Variants in XKR9 observed in about 807,000 individuals in gnomAD.
The protein encoded by XKR9 is XK-related protein 9.
A neutral mutation model predicts 32.0 loss-of-function variants in XKR9; 32 were observed. That is an observed-to-expected ratio of 1.00 (90% CI 0.76 to 1.34). The LOEUF is 1.34. Among genes scored for constraint, XKR9 ranks in the 40% most tolerant of loss-of-function variants. XKR9 has a pLI of 0.00. For synonymous variants in XKR9, 168 were observed against 143.4 expected (o/e 1.17, Z -1.22); for missense variants, 546 against 429.7 (o/e 1.27, Z -2.39).
In XKR9 at chr8:70,714,771, A is replaced by T. The variant is rs529019567; in HGVS notation, c.493+7618A>T. 2.6e-4 allele frequency among the ~76,000 whole-genome samples: 39 copies of T among 152,214 alleles called. No individual in the cohort carries two copies. The East Asian group carries it at 6.2e-3, about 24-fold the overall frequency. On this transcript the variant is annotated intron_variant, in intron 4 of 4. Coordinates refer to ENST00000408926, the MANE Select transcript of XKR9 (RefSeq NM_001011720.2). ...TTGATGTCTTATTTAGTGAACATGG[A>T]TGGGAGTTCTCTATTTTCTTCACTG...
chr8:70,764,074 C>G (rs1196448533), intron 2 of XKR9, among the ~76,000 whole-genome samples: 1 of 152,188 alleles, frequency 6.6e-6, no homozygotes, highest in African/African-American at 2.4e-5. Context: ...TTGATGAGCT[C>G]TCCTTGCTTC....
At chr8:71,009,082 G>A in the XKR9 span, among the ~76,000 whole-genome samples, 1 of 152,096 alleles carries the variant, frequency 6.6e-6, no homozygotes, top group African/African-American at 2.4e-5. Context: ...GGGAGAGAAG[G>A]TGGTAAGTGG....
chr8:70,973,060 T>A, the XKR9 span, among the ~76,000 whole-genome samples: 4 of 152,156 alleles, frequency 2.6e-5, no homozygotes, highest in African/African-American at 9.7e-5. Context: ...TTTGACTGTC[T>A]GTTAGAATTC....
At chr8:70,863,383 G>C in the XKR9 span, among the ~76,000 whole-genome samples, 10 of 152,170 alleles carry the variant, frequency 6.6e-5, no homozygotes, top group Non-Finnish European at 1.5e-4. Context: ...GATGTAGTAG[G>C]ACACTAATTT....
the XKR9 span, among the ~76,000 whole-genome samples, chr8:70,824,364 G>A: frequency 6.6e-6 from 1 of 152,028 alleles, no homozygotes; most frequent in African/African-American, 2.4e-5. Context: ...GCCTATGTTT[G>A]CTATTTCCCT....
At chr8:70,712,153 T>C (rs548612765) in intron 4 of XKR9, among the ~76,000 whole-genome samples, 1 of 152,110 alleles carries the variant, frequency 6.6e-6, no homozygotes, top group Non-Finnish European at 1.5e-5. Flanking sequence ...CAGAGTAGAA[T>C]AGCAGATTAG....
At chr8:71,052,931 ACACAGC>A in the XKR9 span, among the ~76,000 whole-genome samples, 1 of 152,212 alleles carries the variant, frequency 6.6e-6, no homozygotes, top group Non-Finnish European at 1.5e-5. Flanking sequence ...TCTCAGCTTC[ACACAGC>A]CAGCCTTGAC....
chr8:70,841,658 CA>C, the XKR9 span, among the ~76,000 whole-genome samples: 1 of 152,174 alleles, frequency 6.6e-6, no homozygotes, highest in Admixed American at 6.5e-5. Context: ...TTTAGGGTCA[CA>C]GATCAGTCAC....
intron 3 of XKR9, among the ~76,000 whole-genome samples, chr8:70,684,414 T>G (rs1315035561): frequency 6.6e-6 from 1 of 152,168 alleles, no homozygotes; most frequent in African/African-American, 2.4e-5. Flanking sequence ...CTCTCATTCC[T>G]TGTATCATTG....
chr8:70,971,325 C>T, the XKR9 span, among the ~76,000 whole-genome samples: 2 of 151,140 alleles, frequency 1.3e-5, no homozygotes, highest in Non-Finnish European at 3.0e-5. Flanking sequence ...TTTTTTCTTG[C>T]TGGTTTTTTT....
chr8:71,047,624 A>G, the XKR9 span, among the ~76,000 whole-genome samples: 1 of 152,156 alleles, frequency 6.6e-6, no homozygotes, highest in Non-Finnish European at 1.5e-5. Context: ...TGTTCTGTAC[A>G]TACTGAATTT....
the XKR9 span, among the ~76,000 whole-genome samples, chr8:71,001,741 C>T: frequency 9.9e-5 from 15 of 151,934 alleles, no homozygotes; most frequent in Non-Finnish European, 2.2e-4. Context: ...CTTAAAGCCT[C>T]GTGAAATAAT....
chr8:71,038,596 G>A, the XKR9 span, among the ~76,000 whole-genome samples: 1 of 151,378 alleles, frequency 6.6e-6, no homozygotes, highest in African/African-American at 2.4e-5. Flanking sequence ...GGGATTACAG[G>A]CGTGAGCCAC....
At chr8:70,691,711 A>G (rs948012983) in intron 3 of XKR9, among the ~76,000 whole-genome samples, 24 of 152,138 alleles carry the variant, frequency 1.6e-4, no homozygotes, top group Non-Finnish European at 2.6e-4. Context: ...TTTGTCAACG[A>G]TCAGATAGTC....
intron 2 of XKR9, among the ~76,000 whole-genome samples, chr8:70,768,332 A>T (rs1026469061): frequency 1.3e-5 from 2 of 152,176 alleles, no homozygotes; most frequent in African/African-American, 4.8e-5. Flanking sequence ...GAAGTGTTTT[A>T]CTTCCAATTA....
At chr8:70,929,507 A>G in the XKR9 span, among the ~76,000 whole-genome samples, 1 of 152,180 alleles carries the variant, frequency 6.6e-6, no homozygotes, top group African/African-American at 2.4e-5. Context: ...TACAAGACAG[A>G]AATCAACGTG....
chr8:70,745,035 G>C (rs550119644), intron 2 of XKR9, among the ~76,000 whole-genome samples: 1 of 150,152 alleles, frequency 6.7e-6, no homozygotes, highest in South Asian at 2.1e-4. Context: ...TATATGTAAT[G>C]GGAAAAAGGG....
rs536852655 is a variant in XKR9 at position 70,699,149 on chromosome 8, C to G, written c.273-7784C>G. Reference sequence around the variant, plus strand: ...TTGACTCTTTATCCAATTTGCCAGTCTGTCTTTTAACTGGAGCATTTAGTC... The same window carrying G: ...TTGACTCTTTATCCAATTTGCCAGTGTGTCTTTTAACTGGAGCATTTAGTC... On this transcript the variant is annotated intron_variant, in intron 3 of 4. Coordinates refer to ENST00000408926, the MANE Select transcript of XKR9 (RefSeq NM_001011720.2). 3.9e-5 allele frequency among the ~76,000 whole-genome samples: 6 copies of G among 152,064 alleles called. No homozygotes were observed. In the East Asian group the frequency reaches 7.7e-4, roughly 20 times the overall value.
chr8:70,916,440 C>T, the XKR9 span, among the ~76,000 whole-genome samples: 1 of 152,146 alleles, frequency 6.6e-6, no homozygotes, highest in Non-Finnish European at 1.5e-5. Flanking sequence ...CTGTTTCTCT[C>T]TTCTCTATTT....
Sources: allele counts gnomAD v4.1 joint callset (sites outside exome capture counted in the v4.1 genomes callset), GRCh38; gene constraint gnomAD v4.1.1; transcripts MANE v1.5; gene names NCBI Gene and HGNC (gene_info 2026-07-23, HGNC 2026-07-21).